The following ARHGEF18 variants were observed in gnomAD, a reference collection of about 807,000 sequenced individuals.
ARHGEF18 encodes the protein rho guanine nucleotide exchange factor 18.
ARHGEF18 carries 93 observed loss-of-function variants against 155.7 expected under a neutral mutation model. The observed-to-expected ratio is 0.60, with a 90% confidence interval of 0.50 to 0.71. The LOEUF (loss-of-function observed/expected upper bound fraction) is 0.71, where lower values mean the gene tolerates loss of function less well. Among genes scored for constraint, ARHGEF18 ranks in the 30% least tolerant of loss-of-function variants. The pLI is 0.00. For synonymous variants in ARHGEF18, 742 were observed against 753.1 expected, an observed-to-expected ratio of 0.99 and a Z score of 0.24; for missense variants, 1,593 against 1,816.1, an observed-to-expected ratio of 0.88 and a Z score of 2.23.
chr19:7,464,178 T>TA (rs1220005030), intron 22 of ARHGEF18, among the ~76,000 whole-genome samples: 4 of 152,036 alleles, frequency 2.6e-5, no homozygotes, highest in African/African-American at 9.7e-5. Flanking sequence ...GCTGGGACTA[T>TA]AAGCACACGC....
At chr19:7,422,271 G>A (rs4804600) in intron 10 of ARHGEF18, among the ~76,000 whole-genome samples, 81,101 of 151,466 alleles carry the variant, frequency 0.54, 22,075 homozygotes, top group Middle Eastern at 0.74. Context: ...AAAACGCCAC[G>A]CATGCCCCGC....
At chr19:7,408,714 G>A (rs1490660359) in intron 10 of ARHGEF18, among the ~76,000 whole-genome samples, 1 of 152,180 alleles carries the variant, frequency 6.6e-6, no homozygotes, top group Non-Finnish European at 1.5e-5. Context: ...AAGCCTGGGG[G>A]TGTTCAACAT....
At chr19:7,464,538 GC>G in intron 22 of ARHGEF18, 21 bp from the exon 23 acceptor site, 1 of 1,600,678 alleles carries the variant, frequency 6.2e-7, no homozygotes, top group Non-Finnish European at 8.5e-7. Context: ...GCATCCTCAT[GC>G]CCCTGGCTTG....
At chr19:7,390,011 T>C (rs913223752) in intron 10 of ARHGEF18, among the ~76,000 whole-genome samples, 2 of 151,796 alleles carry the variant, frequency 1.3e-5, no homozygotes, top group Non-Finnish European at 2.9e-5. Flanking sequence ...GGCAATATAG[T>C]GAGACCCTCG....
At position 7,428,969 on chromosome 19, in the gene ARHGEF18, G is replaced by A. The variant is rs981029792; in HGVS notation, c.968-11375G>A. On this transcript the variant is annotated intron_variant, in intron 10 of 28. Transcript: ENST00000668164. ...GGAGGTCAAGGTGCAGCGAGGCTGT[G>A]CAATAAAGTCGGGAGTGTGGTGAGC... Among the ~76,000 whole-genome samples the A allele has an allele frequency of 5.3e-5, 8 of 152,224 alleles. No homozygotes were observed. The South Asian group carries it at 1.7e-3, about 31-fold the overall frequency.
At position 7,464,686 on chromosome 19, in the gene ARHGEF18, A is replaced by T. The variant is rs774517482; in HGVS notation, c.2900A>T (p.Gln967Leu). ...CCTGGGAGCTCTGAGGAATCGCCGC[A>T]GGTGGTACGTGGATATCCATTTGCT... ...DIPGSSEESP[Q>L]VVEAPGTESD... The change falls in exon 23 of 29, where the codon CAG becomes CTG. Residue 967 changes from glutamine (Q) to leucine (L), a missense_variant. By Grantham distance (113) the Gln-to-Leu change is moderately radical. Transcript: ENST00000668164. 2.5e-6 allele frequency: 4 copies of T among 1,613,958 alleles called. No homozygotes were observed. The highest frequency in any genetic ancestry group is 3.4e-6 in the Non-Finnish European group (4 of 1,179,986).
At chr19:7,426,893 T>C (rs1411699450) in intron 10 of ARHGEF18, among the ~76,000 whole-genome samples, 5 of 152,202 alleles carry the variant, frequency 3.3e-5, no homozygotes, top group African/African-American at 4.8e-5. Context: ...TTCTTAGTTA[T>C]GCTGTCAAAT....
intron 13 of ARHGEF18, among the ~76,000 whole-genome samples, chr19:7,442,921 T>C (rs1974757257): frequency 6.6e-6 from 1 of 151,948 alleles, no homozygotes; most frequent in Non-Finnish European, 1.5e-5. Flanking sequence ...GACAGGGTCT[T>C]ACTCTGTCAC....
chr19:7,377,092 A>T (rs575671099), intron 5 of ARHGEF18, among the ~76,000 whole-genome samples: 61 of 148,972 alleles, frequency 4.1e-4, no homozygotes, highest in African/African-American at 1.5e-3. Flanking sequence ...TTTTTTTGAG[A>T]TAGAGTCTTG....
At chr19:7,457,261 T>C (rs1975894021) in intron 18 of ARHGEF18, among the ~76,000 whole-genome samples, 1 of 151,776 alleles carries the variant, frequency 6.6e-6, no homozygotes, top group Admixed American at 6.6e-5. Context: ...CCTCTGTGTG[T>C]GCCTCTGTGC....
chr19:7,361,850 G>A (rs1488528232), intron 1 of ARHGEF18, among the ~76,000 whole-genome samples: 1 of 151,778 alleles, frequency 6.6e-6, no homozygotes, highest in Non-Finnish European at 1.5e-5. Context: ...AAATTAGCCA[G>A]GTGCAGTGGT....
At chr19:7,428,763 C>T (rs1469334275) in intron 10 of ARHGEF18, among the ~76,000 whole-genome samples, 2 of 152,144 alleles carry the variant, frequency 1.3e-5, no homozygotes, top group African/African-American at 4.8e-5. Flanking sequence ...GCAGGTCGAA[C>T]CTTTGGGTGC....
intron 10 of ARHGEF18, among the ~76,000 whole-genome samples, chr19:7,398,690 C>CAAA (rs1176940342): frequency 8.7e-6 from 1 of 114,904 alleles, no homozygotes; most frequent in Non-Finnish European, 2.0e-5. Context: ...GACTCTGTCT[C>CAAA]AAAAAAAAAA....
chr19:7,451,316 G>T, intron 16 of ARHGEF18, 50 bp downstream of exon 16: 1 of 1,519,572 alleles, frequency 6.6e-7, no homozygotes, highest in East Asian at 2.3e-5. Context: ...GCAGCACAGG[G>T]CTCTCTCCGT....
chr19:7,446,847 G>T (rs1975023517), intron 14 of ARHGEF18, among the ~76,000 whole-genome samples, 196 bp from the exon 15 acceptor site: 1 of 147,164 alleles, frequency 6.8e-6, no homozygotes, highest in African/African-American at 2.6e-5. Context: ...AGTGAGCCAA[G>T]ATCGCGCCAT....
chr19:7,382,893 AG>A lies in ARHGEF18; in HGVS notation c.825+1del, dbSNP rs767953806. On this transcript the variant is annotated frameshift_variant and splice_region_variant, in exon 9 of 29. Transcript: ENST00000668164. LOFTEE classifies it high-confidence loss of function. ...AGTCGAGTGACCAGGCAGAAGGAGA[AG>A]GTAAGGGGAGCTAAGCCACGGGGGC... ...LRSRVTRQKE[K>X]GKSPAHLKDK... The A allele has an allele frequency of 1.7e-5, 21 of 1,232,492 alleles. No homozygotes were observed. Among genetic ancestry groups the A allele is most frequent in the Non-Finnish European group, 2.0e-5 (20 of 988,066 alleles). The allele number at this position is 1,232,492 out of a possible 1,614,324, so 76.3% of individuals were successfully genotyped here.
chr19:7,379,037 T>G, intron 6 of ARHGEF18, 85 bp from the exon 7 acceptor site: 1 of 1,191,076 alleles, frequency 8.4e-7, no homozygotes, highest in Non-Finnish European at 1.0e-6. Flanking sequence ...TGAGGCCTGC[T>G]TGGGCAACCC....
chr19:7,380,176 TAA>T (rs869034526), intron 7 of ARHGEF18, among the ~76,000 whole-genome samples: 3 of 140,230 alleles, frequency 2.1e-5, no homozygotes, highest in Non-Finnish European at 3.1e-5. Flanking sequence ...AAACCCTGTT[TAA>T]AAAAAAAAAA....
At chr19:7,371,072 A>C (rs993618202) in intron 2 of ARHGEF18, among the ~76,000 whole-genome samples, 3 of 151,978 alleles carry the variant, frequency 2.0e-5, no homozygotes, top group African/African-American at 7.2e-5. Flanking sequence ...CACCATGCCC[A>C]GCTCACTTTT....
Sources: gnomAD v4.1 joint callset for allele counts (sites outside exome capture counted in the v4.1 genomes callset) on GRCh38, gnomAD v4.1.1 for gene constraint, MANE v1.5 for transcripts, NCBI Gene and HGNC (gene_info 2026-07-23, HGNC 2026-07-21) for gene names.